The following JAKMIP2 variants were observed in gnomAD, a reference collection of about 807,000 sequenced individuals.
The protein encoded by JAKMIP2 is janus kinase and microtubule-interacting protein 2.
A neutral mutation model predicts 115.0 loss-of-function variants in JAKMIP2; 25 were observed. That is an observed-to-expected ratio of 0.22 (90% CI 0.16 to 0.30). The LOEUF (loss-of-function observed/expected upper bound fraction) is 0.30. JAKMIP2 is among the 10% of genes least tolerant of loss of function. JAKMIP2 has a pLI of 1.00. For synonymous variants in JAKMIP2, 334 were observed against 343.6 expected (o/e 0.97, Z 0.31); for missense variants, 642 against 957.6 (o/e 0.67, Z 4.35).
At chr5:147,757,938 A>T (rs1040898493) in intron 1 of JAKMIP2, among the ~76,000 whole-genome samples, 1 of 152,118 alleles carries the variant, frequency 6.6e-6, no homozygotes, top group African/African-American at 2.4e-5. Context: ...GTCAAGTACT[A>T]ATATTGATTA....
In JAKMIP2 at chr5:147,642,475, G is replaced by A. The variant is rs139499280; in HGVS notation, c.1225-711C>T. On this transcript the variant is annotated intron_variant, in intron 7 of 21. Transcript: ENST00000616793. ...AACTAGATAGAATGTCTTTTGAAAA[G>A]TCCGATGAGTGTGCCTAAATAGCCC... 1.2e-4 allele frequency among the ~76,000 whole-genome samples: 18 copies of A among 152,260 alleles called. No homozygotes were observed. In the East Asian group the frequency reaches 3.5e-3, roughly 29 times the overall value.
chr5:147,767,469 G>C (rs1271185854), intron 1 of JAKMIP2, among the ~76,000 whole-genome samples: 2 of 152,038 alleles, frequency 1.3e-5, no homozygotes, highest in East Asian at 3.9e-4. Context: ...CACCAAGAGA[G>C]AATTTACAGA....
At chr5:147,639,016 T>C (rs1401429522) in intron 10 of JAKMIP2, among the ~76,000 whole-genome samples, 1 of 152,164 alleles carries the variant, frequency 6.6e-6, no homozygotes, top group Non-Finnish European at 1.5e-5. Context: ...ATCTTTTCTT[T>C]TTGTTGAAAT....
intron 20 of JAKMIP2, among the ~76,000 whole-genome samples, chr5:147,611,096 C>G (rs1756293930): frequency 6.6e-6 from 1 of 152,182 alleles, no homozygotes; most frequent in South Asian, 2.1e-4. Context: ...GAATTTCAAC[C>G]CAGTGGGTCT....
At chr5:147,766,532 T>C (rs1755164484) in intron 1 of JAKMIP2, among the ~76,000 whole-genome samples, 1 of 152,114 alleles carries the variant, frequency 6.6e-6, no homozygotes, top group Non-Finnish European at 1.5e-5. Flanking sequence ...CACATTGCTT[T>C]ACTCTAAACA....
At chr5:147,711,730 G>C (rs1255991503) in intron 1 of JAKMIP2, among the ~76,000 whole-genome samples, 2 of 152,112 alleles carry the variant, frequency 1.3e-5, no homozygotes, top group African/African-American at 2.4e-5. Context: ...TACAGTGGAG[G>C]TATCTTGGCT....
chr5:147,677,039 C>G (rs1487058031), intron 1 of JAKMIP2, among the ~76,000 whole-genome samples: 1 of 152,194 alleles, frequency 6.6e-6, no homozygotes, highest in East Asian at 1.9e-4. Context: ...AAAGTATGGG[C>G]TACGGAGTTA....
chr5:147,690,480 G>A (rs1751777014), intron 1 of JAKMIP2, among the ~76,000 whole-genome samples: 1 of 148,400 alleles, frequency 6.7e-6, no homozygotes, highest in African/African-American at 2.5e-5. Flanking sequence ...AACATTTAAA[G>A]AGCAAGATGA....
At chr5:147,600,828 G>A (rs1755655903) in intron 21 of JAKMIP2, among the ~76,000 whole-genome samples, 1 of 151,910 alleles carries the variant, frequency 6.6e-6, no homozygotes, top group Admixed American at 6.6e-5. Flanking sequence ...GTATTCATGA[G>A]ACATGGACTT....
At chr5:147,710,596 CCTT>C (rs1752740453) in intron 1 of JAKMIP2, among the ~76,000 whole-genome samples, 1 of 152,132 alleles carries the variant, frequency 6.6e-6, no homozygotes, top group Non-Finnish European at 1.5e-5. Context: ...TGCTTTATCT[CCTT>C]CTCAGGGTTG....
chr5:147,686,403 C>T (rs1760574050), intron 1 of JAKMIP2, among the ~76,000 whole-genome samples: 1 of 152,128 alleles, frequency 6.6e-6, no homozygotes, highest in South Asian at 2.1e-4. Context: ...GCATATCTTA[C>T]CAAACTCACG....
intron 1 of JAKMIP2, among the ~76,000 whole-genome samples, chr5:147,675,430 T>G (rs1174001036): frequency 6.6e-6 from 1 of 152,034 alleles, no homozygotes; most frequent in Non-Finnish European, 1.5e-5. Flanking sequence ...CTCATGATTC[T>G]CATACTCTAA....
chr5:147,676,016 G>A (rs1759931185), intron 1 of JAKMIP2, among the ~76,000 whole-genome samples: 1 of 152,024 alleles, frequency 6.6e-6, no homozygotes, highest in Non-Finnish European at 1.5e-5. Context: ...CCATCACAAG[G>A]GACATCACTC....
intron 20 of JAKMIP2, among the ~76,000 whole-genome samples, chr5:147,602,391 T>A (rs1561840759): frequency 6.6e-6 from 1 of 152,146 alleles, no homozygotes; most frequent in Non-Finnish European, 1.5e-5. Context: ...ATAATTACAT[T>A]GGGTTGATGG....
At chr5:147,702,752 G>A (rs1425207713) in intron 1 of JAKMIP2, among the ~76,000 whole-genome samples, 3 of 152,034 alleles carry the variant, frequency 2.0e-5, no homozygotes, top group African/African-American at 7.2e-5. Context: ...CAGGCAGCAA[G>A]ACAGAAGCTG....
In JAKMIP2 at chr5:147,590,010, A is replaced by G. The variant is rs1302664787; in HGVS notation, c.*1697T>C. 1.3e-5 allele frequency: 2 copies of G among 152,252 alleles called. No individual in the cohort carries two copies. The highest frequency in any genetic ancestry group is 2.4e-5 in the African/African-American group (1 of 41,460). The allele number at this position is 152,252 out of a possible 1,614,324, so 9.4% of individuals were successfully genotyped here. On this transcript the variant is annotated 3_prime_UTR_variant, in exon 22 of 22. Coordinates refer to ENST00000616793, the MANE Select transcript of JAKMIP2 (RefSeq NM_001270941.2). ...TTAACCCCATTTTGCAGATGAGGAA[A>G]CTGAGGCACAGAGAGGTTAAGTGAC...
intron 1 of JAKMIP2, among the ~76,000 whole-genome samples, chr5:147,719,592 C>T (rs976657909): frequency 6.6e-6 from 1 of 152,112 alleles, no homozygotes; most frequent in African/African-American, 2.4e-5. Context: ...GATCCCTTTA[C>T]CATTATGTAA....
intron 1 of JAKMIP2, among the ~76,000 whole-genome samples, chr5:147,681,274 T>A (rs963756283): frequency 2.6e-5 from 4 of 152,164 alleles, no homozygotes; most frequent in African/African-American, 9.7e-5. Context: ...AGAAGTAATG[T>A]CTAAGTTGAG....
chr5:147,712,278 G>A (rs1207289204), intron 1 of JAKMIP2, among the ~76,000 whole-genome samples: 1 of 151,844 alleles, frequency 6.6e-6, no homozygotes, highest in Non-Finnish European at 1.5e-5. Flanking sequence ...TCACATGGGA[G>A]TTCGTCAGCC....
Sources: gnomAD v4.1 joint callset for allele counts (sites outside exome capture counted in the v4.1 genomes callset) on GRCh38, gnomAD v4.1.1 for gene constraint, MANE v1.5 for transcripts, NCBI Gene and HGNC (gene_info 2026-07-23, HGNC 2026-07-21) for gene names.